Variants in MCCC2 observed in about 807,000 individuals in gnomAD.
MCCC2 encodes methylcrotonyl-CoA carboxylase subunit 2.
MCCC2 carries 52 observed loss-of-function variants against 77.2 expected under a neutral mutation model. That is an observed-to-expected ratio of 0.67 (90% CI 0.54 to 0.85). MCCC2 has a LOEUF of 0.85. Ranked by LOEUF, MCCC2 falls within the 40% of genes least tolerant of loss-of-function variation. MCCC2 has a pLI of 0.00. For synonymous variants in MCCC2, 253 were observed against 248.4 expected, an observed-to-expected ratio of 1.02 and a Z score of -0.18; for missense variants, 682 against 703.2, an observed-to-expected ratio of 0.97 and a Z score of 0.34.
At chr5:71,638,095 G>A (rs1228531009) in intron 10 of MCCC2, among the ~76,000 whole-genome samples, 3 of 152,122 alleles carry the variant, frequency 2.0e-5, no homozygotes, top group Non-Finnish European at 4.4e-5. Context: ...CTCTATATCC[G>A]TAATTGTCAT....
chr5:71,605,926 T>C (rs1437583277), intron 6 of MCCC2, among the ~76,000 whole-genome samples: 1 of 152,232 alleles, frequency 6.6e-6, no homozygotes, highest in East Asian at 1.9e-4. Context: ...TCTGTTCCAT[T>C]GATCTATATC....
intron 6 of MCCC2, among the ~76,000 whole-genome samples, chr5:71,608,476 A>C (rs1183580807): frequency 4.2e-4 from 61 of 143,594 alleles, no homozygotes; most frequent in Non-Finnish European, 1.8e-4. Context: ...GTGTCTCTGC[A>C]CGTGAGATGG....
At chr5:71,588,648 G>C (rs1744853252) in intron 1 of MCCC2, among the ~76,000 whole-genome samples, 1 of 152,196 alleles carries the variant, frequency 6.6e-6, no homozygotes, top group African/African-American at 2.4e-5. Context: ...AGCTTGAGAA[G>C]GTGGTTACAG....
At chr5:71,630,568 C>T (rs1334643567) in intron 7 of MCCC2, among the ~76,000 whole-genome samples, 1 of 151,624 alleles carries the variant, frequency 6.6e-6, no homozygotes, top group African/African-American at 2.4e-5. Context: ...TATCCAGACA[C>T]CTCTTATAAT....
chr5:71,633,091 T>TTTTATATATATA (rs1172020093), intron 8 of MCCC2, among the ~76,000 whole-genome samples: 14 of 84,244 alleles, frequency 1.7e-4, no homozygotes, highest in African/African-American at 6.1e-4. Context: ...TTTTTCAGTT[T>TTTTATATATATA]TATATATATA....
intron 3 of MCCC2, among the ~76,000 whole-genome samples, chr5:71,596,801 A>G (rs543661235): frequency 1.4e-4 from 22 of 152,142 alleles, no homozygotes; most frequent in African/African-American, 3.9e-4. Flanking sequence ...TTAGCTGGGC[A>G]TGGTGGCATG....
At chr5:71,653,529 A>C (rs1747496246) in intron 16 of MCCC2, among the ~76,000 whole-genome samples, 1 of 149,634 alleles carries the variant, frequency 6.7e-6, no homozygotes, top group Non-Finnish European at 1.5e-5. Flanking sequence ...ATGCTGGCGA[A>C]GGCAAACTGG....
At chr5:71,642,875 G>A (rs1054383553) in intron 11 of MCCC2, among the ~76,000 whole-genome samples, 6 of 151,992 alleles carry the variant, frequency 3.9e-5, no homozygotes, top group Non-Finnish European at 8.8e-5. Flanking sequence ...TGACTACTGG[G>A]GCCTATAGTC....
At chr5:71,602,756 A>G (rs1279614613) in intron 5 of MCCC2, 123 bp downstream of exon 5, 34 of 1,415,538 alleles carry the variant, frequency 2.4e-5, no homozygotes, top group Non-Finnish European at 3.3e-5. Context: ...TCCTGTAATT[A>G]TAAAGGAAAC....
At chr5:71,613,424 T>C (rs532939075) in intron 6 of MCCC2, among the ~76,000 whole-genome samples, 69 of 152,388 alleles carry the variant, frequency 4.5e-4, no homozygotes, top group Non-Finnish European at 9.6e-4. Flanking sequence ...TACCTGCTTA[T>C]GATAAAAAAC....
intron 13 of MCCC2, among the ~76,000 whole-genome samples, chr5:71,648,876 A>G (rs193078766): frequency 9.8e-5 from 15 of 152,366 alleles, no homozygotes; most frequent in Admixed American, 8.5e-4. Flanking sequence ...GTGTGCATCC[A>G]GATGAACTGC....
chr5:71,593,114 G>GTCT (rs1745047529), intron 2 of MCCC2, 122 bp downstream of exon 2: 1 of 821,248 alleles, frequency 1.2e-6, no homozygotes, highest in African/African-American at 1.8e-5. Context: ...TTGAGATGGA[G>GTCT]TCTTGCTCTC....
In MCCC2 at chr5:71,588,229, A is replaced by G. The variant is rs534119290; in HGVS notation, c.129+675A>G. ...GGTTGCAGTGAGCTGAGATCGTGCCATTGCACTCCAGCCTTGGCAACAAGA... is the reference window on the plus strand; with the variant it reads ...GGTTGCAGTGAGCTGAGATCGTGCCGTTGCACTCCAGCCTTGGCAACAAGA... On this transcript the variant is annotated intron_variant, in intron 1 of 16. Transcript: ENST00000340941. Among the ~76,000 whole-genome samples the G allele has an allele frequency of 1.2e-3, 173 of 150,128 alleles. 1 individual carries two copies. Among genetic ancestry groups the G allele is most frequent in the African/African-American group, 4.1e-3 (167 of 40,802 alleles).
chr5:71,642,568 G>A (rs982267083), intron 11 of MCCC2, among the ~76,000 whole-genome samples: 1 of 152,342 alleles, frequency 6.6e-6, no homozygotes, highest in Middle Eastern at 3.4e-3. Context: ...GTGGGGCCTA[G>A]TGTGGGTTGA....
At chr5:71,638,006 C>T (rs1326684154) in intron 10 of MCCC2, among the ~76,000 whole-genome samples, 1 of 152,130 alleles carries the variant, frequency 6.6e-6, no homozygotes, top group Non-Finnish European at 1.5e-5. Flanking sequence ...CCCACCGCGC[C>T]TGGCCCAGGG....
intron 4 of MCCC2, among the ~76,000 whole-genome samples, chr5:71,601,383 G>A (rs1262957339): frequency 1.3e-5 from 2 of 152,326 alleles, no homozygotes; most frequent in Admixed American, 6.5e-5. Flanking sequence ...ACACTCTGGA[G>A]TGTGAGGTTA....
intron 6 of MCCC2, among the ~76,000 whole-genome samples, chr5:71,620,191 C>T (rs1011299508): frequency 6.6e-6 from 1 of 152,128 alleles, no homozygotes; most frequent in Admixed American, 6.5e-5. Flanking sequence ...ACTATCAAAT[C>T]AGTGGTATTG....
chr5:71,603,458 G>A (rs1745532365), intron 5 of MCCC2, among the ~76,000 whole-genome samples: 1 of 151,670 alleles, frequency 6.6e-6, no homozygotes, highest in Non-Finnish European at 1.5e-5. Context: ...TCCTGATACT[G>A]GGTTAGTCTG....
At chr5:71,639,217 T>C (rs903792098) in intron 10 of MCCC2, among the ~76,000 whole-genome samples, 11 of 152,230 alleles carry the variant, frequency 7.2e-5, no homozygotes, top group Non-Finnish European at 1.5e-4. Flanking sequence ...TCTCCCCAGC[T>C]ATGAAAGTCC....
Sources: gnomAD v4.1 joint callset for allele counts (sites outside exome capture counted in the v4.1 genomes callset) on GRCh38, gnomAD v4.1.1 for gene constraint, MANE v1.5 for transcripts, NCBI Gene and HGNC (gene_info 2026-07-23, HGNC 2026-07-21) for gene names.